SLC22A2: variants seen among roughly 807,000 people sequenced by gnomAD.
SLC22A2 encodes the protein solute carrier family 22 member 2.
Under a neutral mutation model 60.5 loss-of-function variants are expected in SLC22A2, and 46 were observed. That is an observed-to-expected ratio of 0.76 (90% CI 0.60 to 0.97). The LOEUF is 0.97. Ranked by LOEUF, SLC22A2 falls within the 50% of genes least tolerant of loss-of-function variation. The pLI is 0.00. For synonymous variants in SLC22A2, 303 were observed against 267.0 expected (o/e 1.13, Z -1.31); for missense variants, 701 against 706.6 (o/e 0.99, Z 0.09).
In SLC22A2 at chr6:160,217,354, G is replaced by A; in HGVS notation, c.*78C>T. On this transcript the variant is annotated 3_prime_UTR_variant, in exon 11 of 11. Transcript: ENST00000366953. ...AGTTTGGTTGAGTTGTATGGGCTTT[G>A]TGATGAGTGCAGGGATTTCTACTTT... 2.3e-6 allele frequency: 2 copies of A among 876,300 alleles called. No homozygotes were observed. The highest frequency in any genetic ancestry group is 3.7e-6 in the Non-Finnish European group (2 of 543,102). The allele number at this position is 876,300 out of a possible 1,614,324, so 54.3% of individuals were successfully genotyped here.
intron 10 of SLC22A2, among the ~76,000 whole-genome samples, chr6:160,224,093 C>T (rs905075114): frequency 6.6e-6 from 1 of 152,186 alleles, no homozygotes; most frequent in Admixed American, 6.6e-5. Flanking sequence ...TTCCTACCAG[C>T]AACACGGGAG....
chr6:160,245,694 A>ATTTTTTTTTT (rs11422120), intron 5 of SLC22A2, 149 bp from the exon 6 acceptor site: 1 of 159,210 alleles, frequency 6.3e-6, no homozygotes, highest in Non-Finnish European at 1.1e-5. Flanking sequence ...GTCCCATTTC[A>ATTTTTTTTTT]TTTTTTTTTT....
chr6:160,231,185 G>T (rs1562432417), intron 9 of SLC22A2, among the ~76,000 whole-genome samples: 1 of 151,714 alleles, frequency 6.6e-6, no homozygotes, highest in Non-Finnish European at 1.5e-5. Flanking sequence ...CCCCACTCTG[G>T]TGCCAACTTG....
intron 9 of SLC22A2, among the ~76,000 whole-genome samples, chr6:160,228,163 A>C (rs1384529174): frequency 2.6e-5 from 4 of 152,140 alleles, no homozygotes; most frequent in Non-Finnish European, 4.4e-5. Context: ...CATGTGTGAG[A>C]TCCAAGAACC....
chr6:160,249,137 A>G, intron 4 of SLC22A2, 79 bp downstream of exon 4: 1 of 929,254 alleles, frequency 1.1e-6, no homozygotes, highest in South Asian at 1.7e-5. Flanking sequence ...TCAGAAAGAT[A>G]GTGTGCATTA....
intron 9 of SLC22A2, among the ~76,000 whole-genome samples, chr6:160,240,759 GA>G (rs1423832111): frequency 6.6e-6 from 1 of 152,044 alleles, no homozygotes; most frequent in East Asian, 1.9e-4. Context: ...ATGCCCATGG[GA>G]AAAAGCATCA....
At chr6:160,243,266 A>G (rs1169479640) in intron 7 of SLC22A2, among the ~76,000 whole-genome samples, 1 of 152,142 alleles carries the variant, frequency 6.6e-6, no homozygotes, top group Non-Finnish European at 1.5e-5. Context: ...GGGCTGGAGT[A>G]AGACCTTGAC....
chr6:160,253,393 G>A (rs927106034), intron 2 of SLC22A2, among the ~76,000 whole-genome samples: 1 of 152,266 alleles, frequency 6.6e-6, no homozygotes, highest in East Asian at 1.9e-4. Flanking sequence ...CCATTAAAAG[G>A]GGCTGGAGAT....
Position 160,251,451 on chromosome 6 carries a change from C to G in SLC22A2, c.519-749G>C, listed in dbSNP as rs139555069. 5.3e-5 allele frequency among the ~76,000 whole-genome samples: 8 copies of G among 152,278 alleles called. No homozygotes were observed. The East Asian group carries it at 1.5e-3, about 29-fold the overall frequency. ...TCTGGAAAAGACCCATCTGACCCAG[C>G]TGAAAAGAGGATTAAGTGAGATATT... On this transcript the variant is annotated intron_variant, in intron 2 of 10. Transcript: ENST00000366953.
At chr6:160,250,891 A>G (rs1216393753) in intron 2 of SLC22A2, among the ~76,000 whole-genome samples, 189 bp from the exon 3 acceptor site, 1 of 152,218 alleles carries the variant, frequency 6.6e-6, no homozygotes, top group Non-Finnish European at 1.5e-5. Flanking sequence ...ACTTTTCATC[A>G]GCACACTATG....
In SLC22A2 at chr6:160,232,877, G is replaced by A. The variant is rs549318074; in HGVS notation, c.1502-8073C>T. Reference sequence around the variant, plus strand: ...CTTCCACATATTAATCTTTTCCCACGTAAGGCAAATGGTTCTTTGACCAAG... The same window carrying A: ...CTTCCACATATTAATCTTTTCCCACATAAGGCAAATGGTTCTTTGACCAAG... On this transcript the variant is annotated intron_variant, in intron 9 of 10. Transcript: ENST00000366953. Among the ~76,000 whole-genome samples the A allele has an allele frequency of 9.9e-5, 15 of 151,856 alleles. 1 individual carries two copies. Among genetic ancestry groups the A allele is most frequent in the African/African-American group, 2.7e-4 (11 of 41,200 alleles).
chr6:160,239,631 GAGGAC>G (rs1348005011), intron 9 of SLC22A2, among the ~76,000 whole-genome samples: 9 of 152,272 alleles, frequency 5.9e-5, no homozygotes, highest in Middle Eastern at 3.4e-3. Context: ...TGGCAGGAAG[GAGGAC>G]AGAGGGTTTG....
At chr6:160,255,631 C>CTAT (rs1309405012) in intron 2 of SLC22A2, among the ~76,000 whole-genome samples, 2 of 151,956 alleles carry the variant, frequency 1.3e-5, no homozygotes, top group African/African-American at 4.8e-5. Context: ...ATATAATAAT[C>CTAT]TATAGTTATG....
intron 9 of SLC22A2, among the ~76,000 whole-genome samples, chr6:160,228,260 G>A (rs779788449): frequency 3.9e-4 from 60 of 152,236 alleles, no homozygotes; most frequent in Admixed American, 1.3e-3. Context: ...CCTCCCCTCC[G>A]CCAGCGCAAA....
In SLC22A2 at chr6:160,245,498, A is replaced by G. The variant is rs1387453150; in HGVS notation, c.1005T>C (p.Phe335=). Residue 335 remains phenylalanine, a synonymous_variant, in exon 6 of 11, where the codon TTT becomes TTC. Transcript: ENST00000366953. ...EETGKKLNPS[F]LDLVRTPQIR... The stretch of plus-strand genomic sequence containing the variant: ...TCTGAGGAGTTCTGACCAAGTCAAG[A>G]AATGAAGGGTTCAATTTCTTGCCAG... 6.2e-7 allele frequency: 1 copy of G among 1,611,290 alleles called. No individual in the cohort carries two copies.
At chr6:160,219,666 C>A (rs1470734360) in intron 10 of SLC22A2, among the ~76,000 whole-genome samples, 1 of 151,026 alleles carries the variant, frequency 6.6e-6, no homozygotes, top group Non-Finnish European at 1.5e-5. Context: ...AGGGTTGCTG[C>A]AAGGATTCAA....
At chr6:160,247,663 G>T (rs764319909) in intron 4 of SLC22A2, among the ~76,000 whole-genome samples, 3 of 152,208 alleles carry the variant, frequency 2.0e-5, no homozygotes, top group Non-Finnish European at 4.4e-5. Context: ...TGGGGAGCAA[G>T]TATGTATATG....
intron 9 of SLC22A2, among the ~76,000 whole-genome samples, chr6:160,237,846 G>T (rs1018491186): frequency 1.3e-5 from 2 of 152,174 alleles, no homozygotes; most frequent in Admixed American, 6.5e-5. Context: ...CAATAAAGAA[G>T]CTGGCTACAA....
Position 160,243,677 on chromosome 6 carries a change from A to G in SLC22A2, c.1174T>C (p.Phe392Leu). 1 of 1,614,060 alleles carries G rather than the reference A, an allele frequency of 6.2e-7. No individual in the cohort carries two copies. Among genetic ancestry groups the G allele is most frequent in the South Asian group, 1.1e-5 (1 of 91,082 alleles). Residue 392 changes from phenylalanine to leucine, a missense_variant, in exon 7 of 11, where the codon TTC (phenylalanine) becomes CTC (leucine). Transcript: ENST00000366953. ...CGGTCGATGGTGAGGATGATCATGA[A>G]GGCAGCTGGGAATTCAACCAGGGCA... is the stretch of plus-strand genomic sequence containing the variant. The part of the protein sequence containing the change: ...YSALVEFPAA[F>L]MIILTIDRIG...
Sources: allele counts gnomAD v4.1 joint callset (sites outside exome capture counted in the v4.1 genomes callset), GRCh38; gene constraint gnomAD v4.1.1; transcripts MANE v1.5; gene names NCBI Gene and HGNC (gene_info 2026-07-23, HGNC 2026-07-21).